Variants in RERE observed in about 807,000 individuals in gnomAD.
RERE encodes the protein arginine-glutamic acid dipeptide repeats.
In RERE, 40 loss-of-function variants were observed where a neutral mutation model predicts 146.1. The ratio of observed to expected loss-of-function variants is 0.27; its 90% CI spans 0.21 to 0.36. The LOEUF (loss-of-function observed/expected upper bound fraction) is 0.36, where lower values mean the gene tolerates loss of function less well. Among genes scored for constraint, RERE ranks in the 10% least tolerant of loss-of-function variants. The probability of loss-of-function intolerance (pLI) is 1.00; values close to 1 mark genes in which losing one functional copy is unlikely to be tolerated. For missense variants in RERE, 1,933 were observed against 2,138.7 expected (o/e 0.90, Z 1.90); for synonymous variants, 1,003 against 866.0 (o/e 1.16, Z -2.78).
chr1:8,714,141 T>C (rs1013655114), intron 1 of RERE, among the ~76,000 whole-genome samples: 2 of 152,238 alleles, frequency 1.3e-5, no homozygotes, highest in South Asian at 4.1e-4. Context: ...TTGATAGTTA[T>C]AGCTATCTTT....
Position 8,361,306 on chromosome 1 carries a change from A to G in RERE, c.2201T>C (p.Leu734Pro). ...CTGCAAGGCTGGGGGCTGGGCCTGC[A>G]GCATCTGCTGCTGGGCTGACGAGTC... ...DSDSSAQQQM[L>P]QAQPPALQAP... is the part of the protein sequence containing the mutation. Residue 734 changes from leucine (L) to proline (P), a missense_variant, in exon 18 of 23, where the codon CTG becomes CCG. Transcript: ENST00000400908. The G allele has an allele frequency of 1.9e-6, 3 of 1,610,078 alleles. No individual in the cohort carries two copies. The highest frequency in any genetic ancestry group is 1.7e-6 in the Non-Finnish European group (2 of 1,177,970).
At position 8,358,371 on chromosome 1, in the gene RERE, G is replaced by C. The variant is rs774753935; in HGVS notation, c.4164C>G (p.Pro1388=). 3 of 1,609,642 alleles carry C rather than the reference G, an allele frequency of 1.9e-6. No homozygotes were observed. ...CCAGTCTGTCAGGGTAGCTCATCTC[G>C]GGCCGCAGCTGGGGGCCCGCCAGGG... ...RLALAGPQLR[P]EMSYPDRLAA... Residue 1388 remains proline, a synonymous_variant, in exon 20 of 23, where the codon CCC becomes CCG. Transcript: ENST00000400908.
intron 2 of RERE, among the ~76,000 whole-genome samples, chr1:8,649,073 TAGAA>T (rs1557456576): frequency 6.6e-6 from 1 of 151,718 alleles, no homozygotes; most frequent in African/African-American, 2.4e-5. Context: ...CTGAAAACAG[TAGAA>T]AGAAATTAAT....
chr1:8,683,887 A>G (rs912963422), intron 1 of RERE, among the ~76,000 whole-genome samples: 2 of 152,206 alleles, frequency 1.3e-5, no homozygotes, highest in Admixed American at 6.5e-5. Context: ...GGTTGCACTG[A>G]GCCAAAATGG....
At chr1:8,745,663 C>G (rs146662094) in intron 1 of RERE, among the ~76,000 whole-genome samples, 1 of 152,188 alleles carries the variant, frequency 6.6e-6, no homozygotes, top group Non-Finnish European at 1.5e-5. Context: ...CTCTAATATA[C>G]GGATTGGACC....
At position 8,364,539 on chromosome 1, in the gene RERE, T is replaced by G. The variant is rs1641723642; in HGVS notation, c.1540+207A>C. Among the ~76,000 whole-genome samples, 1 of 152,160 alleles carries G rather than the reference T, an allele frequency of 6.6e-6. No homozygotes were observed. Among genetic ancestry groups the G allele is most frequent in the Non-Finnish European group, 1.5e-5 (1 of 68,024 alleles). ...CCCCCCAATCCCACTCAATCTGTCC[T>G]GCCTACCAGTCAGTATTCCATACCG... On this transcript the variant is annotated intron_variant, in intron 14 of 22. Transcript: ENST00000400908. This position sits in a 1 kb window ranked among gnomAD's most constrained non-coding sequence, Gnocchi z 5.1.
intron 12 of RERE, chr1:8,380,776 A>T: frequency 2.2e-6 from 1 of 455,266 alleles, no homozygotes; most frequent in South Asian, 1.6e-5. Context: ...GTGACTTCAG[A>T]CTTGAGCCCA....
chr1:8,704,788 T>C (rs1639524869), intron 1 of RERE, among the ~76,000 whole-genome samples: 1 of 152,218 alleles, frequency 6.6e-6, no homozygotes, highest in African/African-American at 2.4e-5. Flanking sequence ...ACAGCACATG[T>C]ACTGAGAGCA....
At chr1:8,789,888 T>A (rs1197965012) in intron 1 of RERE, among the ~76,000 whole-genome samples, 1 of 152,224 alleles carries the variant, frequency 6.6e-6, no homozygotes, top group East Asian at 1.9e-4. Context: ...ACTTATTTAA[T>A]CCACACCAAT....
chr1:8,696,957 A>G (rs1227977453), intron 1 of RERE, among the ~76,000 whole-genome samples: 1 of 151,398 alleles, frequency 6.6e-6, no homozygotes, highest in Non-Finnish European at 1.5e-5. Context: ...AAAAAAAAAA[A>G]GTAAATAAAA....
intron 1 of RERE, among the ~76,000 whole-genome samples, chr1:8,799,006 T>G (rs1465218019): frequency 6.7e-6 from 1 of 149,778 alleles, no homozygotes. Context: ...TGTTTTTGTT[T>G]TTGTTTTGAG....
chr1:8,695,339 C>T (rs190948028), intron 1 of RERE, among the ~76,000 whole-genome samples: 81 of 152,050 alleles, frequency 5.3e-4, no homozygotes, highest in Non-Finnish European at 1.1e-3. Flanking sequence ...AACACCATTC[C>T]GACCCTTGGC....
chr1:8,367,845 G>C (rs1187027032), intron 12 of RERE, among the ~76,000 whole-genome samples: 1 of 152,134 alleles, frequency 6.6e-6, no homozygotes, highest in East Asian at 1.9e-4. Flanking sequence ...TTCCAGACTT[G>C]GAAATGCATT....
chr1:8,684,850 T>C (rs1570605984), intron 1 of RERE, among the ~76,000 whole-genome samples: 1 of 151,994 alleles, frequency 6.6e-6, no homozygotes, highest in African/African-American at 2.4e-5. Flanking sequence ...ATCCATTCAT[T>C]CATTCATTCA....
chr1:8,420,157 T>C (rs906975677), intron 12 of RERE, among the ~76,000 whole-genome samples: 1 of 152,166 alleles, frequency 6.6e-6, no homozygotes, highest in Non-Finnish European at 1.5e-5. Flanking sequence ...AATGAGTTAA[T>C]AATTCTGGTA....
At chr1:8,638,660 A>C (rs1282098814) in intron 2 of RERE, among the ~76,000 whole-genome samples, 1 of 152,174 alleles carries the variant, frequency 6.6e-6, no homozygotes, top group Non-Finnish European at 1.5e-5. Flanking sequence ...AAATGTTAAC[A>C]GTGGTTAAGT....
chr1:8,635,258 G>A (rs1023068472), intron 2 of RERE, among the ~76,000 whole-genome samples: 1 of 152,150 alleles, frequency 6.6e-6, no homozygotes, highest in Admixed American at 6.5e-5. Context: ...TTATGATACA[G>A]TGATTTTGCT....
At chr1:8,583,928 A>T (rs1272527298) in intron 4 of RERE, among the ~76,000 whole-genome samples, 3 of 151,990 alleles carry the variant, frequency 2.0e-5, no homozygotes, top group Non-Finnish European at 4.4e-5. Flanking sequence ...AAGAGAATAC[A>T]GAACAGAATA....
intron 12 of RERE, among the ~76,000 whole-genome samples, chr1:8,369,184 G>C (rs1227654360): frequency 6.6e-6 from 1 of 152,156 alleles, no homozygotes; most frequent in African/African-American, 2.4e-5. Flanking sequence ...CTGGGGGACA[G>C]GGCGAGAGGC....
Sources: allele counts gnomAD v4.1 joint callset (sites outside exome capture counted in the v4.1 genomes callset), GRCh38; gene constraint gnomAD v4.1.1; non-coding constraint Gnocchi (gnomAD v3.1); transcripts MANE v1.5; gene names NCBI Gene and HGNC (gene_info 2026-07-23, HGNC 2026-07-21).